GRM3: variants seen among roughly 807,000 people sequenced by gnomAD.
The protein encoded by GRM3 is metabotropic glutamate receptor 3.
A neutral mutation model predicts 70.5 loss-of-function variants in GRM3; 26 were observed. That is an observed-to-expected ratio of 0.37 (90% CI 0.27 to 0.51). The LOEUF is 0.51. Among genes scored for constraint, GRM3 ranks in the 20% least tolerant of loss-of-function variants. The pLI, the probability that GRM3 is intolerant of heterozygous loss-of-function variation, is 0.93. For synonymous variants in GRM3, 443 were observed against 434.9 expected, an observed-to-expected ratio of 1.02 and a Z score of -0.23; for missense variants, 859 against 1,123.8, an observed-to-expected ratio of 0.76 and a Z score of 3.37.
At chr7:86,863,819 T>G (rs550723563) in intron 5 of GRM3, among the ~76,000 whole-genome samples, 1 of 152,284 alleles carries the variant, frequency 6.6e-6, no homozygotes, top group Admixed American at 6.5e-5. Context: ...AAAGCTAATT[T>G]TCAACCCACA....
At chr7:86,667,697 C>A (rs1794061647) in intron 1 of GRM3, among the ~76,000 whole-genome samples, 1 of 152,114 alleles carries the variant, frequency 6.6e-6, no homozygotes, top group Admixed American at 6.6e-5. Context: ...TGGCCCCAAT[C>A]TTTTATATTA....
chr7:86,662,281 C>T (rs1019377320), intron 1 of GRM3, among the ~76,000 whole-genome samples: 1 of 151,598 alleles, frequency 6.6e-6, no homozygotes, highest in Non-Finnish European at 1.5e-5. Flanking sequence ...ATCTTATTAA[C>T]CTCTGTACAT....
rs1432324457 is a variant in GRM3 at position 86,786,905 on chromosome 7, C to T, written c.1113C>T (p.Arg371=). 4 of 1,614,108 alleles carry T rather than the reference C, an allele frequency of 2.5e-6. No homozygotes were observed. Among genetic ancestry groups the T allele is most frequent in the Non-Finnish European group, 3.4e-6 (4 of 1,179,918 alleles). ...CSLQNKRNHR[R]VCDKHLAIDS... ...TCCAGAACAAACGCAACCACAGGCG[C>T]GTCTGCGACAAGCACCTGGCCATCG... The change falls in exon 3 of 6, where the codon CGC becomes CGT. Residue 371 remains arginine, a synonymous_variant. Transcript: ENST00000361669. This position sits in a 1 kb window ranked among gnomAD's most constrained non-coding sequence, Gnocchi z 6.0.
chr7:86,814,154 G>GTGCCATACA, intron 3 of GRM3, among the ~76,000 whole-genome samples: 1 of 151,830 alleles, frequency 6.6e-6, no homozygotes, highest in East Asian at 1.9e-4. Context: ...GCTCTGTTGC[G>GTGCCATACA]GTCACAGTCT....
intron 3 of GRM3, among the ~76,000 whole-genome samples, chr7:86,801,153 C>A (rs1009421657): frequency 6.8e-6 from 1 of 146,686 alleles, no homozygotes; most frequent in Non-Finnish European, 1.5e-5. Context: ...TCACTGCAAC[C>A]TCTGCCTCCC....
chr7:86,818,511 T>C (rs1798059471), intron 3 of GRM3, among the ~76,000 whole-genome samples: 1 of 152,026 alleles, frequency 6.6e-6, no homozygotes, highest in African/African-American at 2.4e-5. Context: ...ATCTGTAAAA[T>C]ATCAGTAAGA....
chr7:86,759,287 T>TA (rs1796422454), intron 1 of GRM3, among the ~76,000 whole-genome samples: 1 of 152,124 alleles, frequency 6.6e-6, no homozygotes, highest in African/African-American at 2.4e-5. Context: ...TTTCTTCCTG[T>TA]AAAAAATCAA....
chr7:86,647,836 G>A (rs1793512607), intron 1 of GRM3, among the ~76,000 whole-genome samples: 1 of 152,164 alleles, frequency 6.6e-6, no homozygotes, highest in South Asian at 2.1e-4. Flanking sequence ...ATAGCCTACT[G>A]TATTTTGGAG....
chr7:86,772,813 A>C (rs893224484), intron 2 of GRM3, among the ~76,000 whole-genome samples: 4 of 152,084 alleles, frequency 2.6e-5, no homozygotes, highest in African/African-American at 9.7e-5. Context: ...TGATAGTTGC[A>C]TTTAGGGAGT....
At chr7:86,799,482 G>T (rs539024097) in intron 3 of GRM3, among the ~76,000 whole-genome samples, 1 of 152,148 alleles carries the variant, frequency 6.6e-6, no homozygotes, top group African/African-American at 2.4e-5. Flanking sequence ...ATTGCCTATG[G>T]GTTTGTTATA....
intron 2 of GRM3, among the ~76,000 whole-genome samples, chr7:86,777,471 C>T (rs1437613561): frequency 2.0e-5 from 3 of 152,058 alleles, no homozygotes; most frequent in Non-Finnish European, 4.4e-5. Flanking sequence ...TGGTGATAAC[C>T]AATATGGATC....
At chr7:86,698,539 A>ATATATATATATATATATATATAT (rs1562829891) in intron 1 of GRM3, among the ~76,000 whole-genome samples, 11 of 139,636 alleles carry the variant, frequency 7.9e-5, no homozygotes, top group African/African-American at 3.3e-4. Flanking sequence ...TATATATATA[A>ATATATATATATATATATATATAT]AATACACATT....
chr7:86,799,974 A>C (rs1275276238), intron 3 of GRM3, among the ~76,000 whole-genome samples: 1 of 152,208 alleles, frequency 6.6e-6, no homozygotes, highest in Non-Finnish European at 1.5e-5. Context: ...TGCATGCCAG[A>C]AGATTAAGAA....
intron 5 of GRM3, among the ~76,000 whole-genome samples, chr7:86,861,867 AC>A (rs1002739317): frequency 2.9e-4 from 44 of 152,280 alleles, no homozygotes; most frequent in African/African-American, 9.9e-4. Flanking sequence ...ATATATTGCA[AC>A]AAAAAAGCAA....
chr7:86,725,078 T>C (rs950165511), intron 1 of GRM3, among the ~76,000 whole-genome samples: 6 of 152,144 alleles, frequency 3.9e-5, no homozygotes, highest in Admixed American at 1.3e-4. Flanking sequence ...ATGTATGCAT[T>C]GGAGTTGCCA....
chr7:86,822,957 C>T (rs1798151812), intron 3 of GRM3, among the ~76,000 whole-genome samples: 2 of 151,930 alleles, frequency 1.3e-5, no homozygotes, highest in Admixed American at 1.3e-4. Context: ...TGATTTTTAT[C>T]CTAAGAACAG....
chr7:86,764,450 T>C (rs1472203906), intron 1 of GRM3, among the ~76,000 whole-genome samples: 1 of 152,130 alleles, frequency 6.6e-6, no homozygotes, highest in Non-Finnish European at 1.5e-5. Flanking sequence ...TGAGGCAGAC[T>C]CTTAACCTCA....
chr7:86,851,722 G>T (rs1167669798), intron 5 of GRM3, among the ~76,000 whole-genome samples: 2 of 152,086 alleles, frequency 1.3e-5, no homozygotes, highest in Non-Finnish European at 2.9e-5. Context: ...TCATGGATAG[G>T]CTGCACATTC....
intron 1 of GRM3, among the ~76,000 whole-genome samples, chr7:86,649,413 G>A (rs1370410556): frequency 6.6e-6 from 1 of 152,086 alleles, no homozygotes; most frequent in South Asian, 2.1e-4. Context: ...GTACTTTAAG[G>A]AGAGAAATAA....
Sources: gnomAD v4.1 joint callset for allele counts (sites outside exome capture counted in the v4.1 genomes callset) on GRCh38, gnomAD v4.1.1 for gene constraint, Gnocchi (gnomAD v3.1) non-coding constraint, MANE v1.5 for transcripts, NCBI Gene and HGNC (gene_info 2026-07-23, HGNC 2026-07-21) for gene names.